ACOT7: variants seen among roughly 807,000 people sequenced by gnomAD.
ACOT7 encodes the protein cytosolic acyl coenzyme A thioester hydrolase.
Under a neutral mutation model 40.2 loss-of-function variants are expected in ACOT7, and 12 were observed. That is an observed-to-expected ratio of 0.30 (90% CI 0.19 to 0.48). The LOEUF is 0.48. ACOT7 is among the 20% of genes least tolerant of loss of function. ACOT7 has a pLI of 0.99. For missense variants in ACOT7, 395 were observed against 530.8 expected (o/e 0.74, Z 2.51); for synonymous variants, 228 against 219.5 (o/e 1.04, Z -0.34).
At chr1:6,339,996 C>G (rs903134179) in intron 2 of ACOT7, among the ~76,000 whole-genome samples, 1 of 150,160 alleles carries the variant, frequency 6.7e-6, no homozygotes, top group Non-Finnish European at 1.5e-5. Flanking sequence ...GATGGAGTCT[C>G]GCTCTGTCAC....
Position 6,324,045 on chromosome 1 carries a change from G to A in ACOT7, c.625+3254C>T, listed in dbSNP as rs112415853. ...AAAGACCCCAGTGCCAAGCACATACGCACACTCTTCTCCCAGAGCTGCTGT... is the reference window on the plus strand; with the variant it reads ...AAAGACCCCAGTGCCAAGCACATACACACACTCTTCTCCCAGAGCTGCTGT... On this transcript the variant is annotated intron_variant, in intron 5 of 8. Transcript: ENST00000361521. 4.8e-3 allele frequency among the ~76,000 whole-genome samples: 730 copies of A among 151,978 alleles called. 4 individuals carry two copies. Among genetic ancestry groups the A allele is most frequent in the African/African-American group, 0.017 (695 of 41,476 alleles).
In ACOT7 at chr1:6,327,399, C is replaced by A. The variant is rs371107823; in HGVS notation, c.525G>T (p.Glu175Asp). The A allele has an allele frequency of 3.0e-5, 48 of 1,614,108 alleles. No homozygotes were observed. The highest frequency in any genetic ancestry group is 1.6e-4 in the Middle Eastern group (1 of 6,084). ...ACCGCTTCCGGCCCTCCTCCTCCTG[C>A]TCCTGCCGGGAATACTGCGAGAAAC... ...EVPPVVYSRQ[E>D]QEEEGRKRYE... is the part of the protein sequence containing the mutation. Residue 175 changes from glutamate (E) to aspartate (D), a missense_variant, in exon 5 of 9, where the codon GAG (glutamate) becomes GAT (aspartate). Physicochemically the swap from Glu to Asp is conservative, Grantham distance 45 (BLOSUM62 2). This residue lies in a region of ACOT7 where 309 missense variants were observed against 470.3 expected (regional missense o/e 0.66). Transcript: ENST00000361521.
intron 2 of ACOT7, among the ~76,000 whole-genome samples, chr1:6,342,135 T>G (rs1641293764): frequency 6.6e-6 from 1 of 152,160 alleles, no homozygotes; most frequent in Admixed American, 6.5e-5. Flanking sequence ...GGGACTTGGG[T>G]CATTCCAAGA....
rs189940988 is a variant in ACOT7 at position 6,340,387 on chromosome 1, T to C, written c.262-798A>G. 3.7e-3 allele frequency among the ~76,000 whole-genome samples: 560 copies of C among 152,320 alleles called. 4 individuals are homozygous for C. The highest frequency in any genetic ancestry group is 0.013 in the African/African-American group (541 of 41,578). The stretch of plus-strand genomic sequence containing the variant: ...TGGGATCACCAGCTGCTTCTTCCTT[T>C]CTTCTGATTTTCTCACAATAGGCAT... On this transcript the variant is annotated intron_variant, in intron 2 of 8. Transcript: ENST00000361521.
chr1:6,365,189 G>A (rs957625467), intron 1 of ACOT7, among the ~76,000 whole-genome samples: 1 of 152,188 alleles, frequency 6.6e-6, no homozygotes, highest in Non-Finnish European at 1.5e-5. Context: ...CAGATCAGAG[G>A]TTGCCTGGGG....
chr1:6,333,619 T>C lies in ACOT7; in HGVS notation c.419-51A>G, dbSNP rs943631734. The C allele has an allele frequency of 3.1e-6, 5 of 1,592,172 alleles. No individual in the cohort carries two copies. The African/African-American group carries it at 4.0e-5, about 13-fold the overall frequency. ...TGACGCCCGGGAGACGGGGTGGGAA[T>C]GTGAGCGTCCAGGCACGTGGCAGGT... On this transcript the variant is annotated intron_variant, in intron 3 of 8. Transcript: ENST00000361521.
rs982040541 is a variant in ACOT7, at chr1:6,330,577, T to G, written c.510+2900A>C. Among the ~76,000 whole-genome samples the G allele has an allele frequency of 2.0e-5, 3 of 152,256 alleles. No individual in the cohort carries two copies. The highest frequency in any genetic ancestry group is 3.9e-4 in the East Asian group (2 of 5,176). The stretch of plus-strand genomic sequence containing the variant: ...TATTTATGTCTCATCAAACCCACTC[T>G]ACAAAGGAAATGAAAAAGCAACTGG... On this transcript the variant is annotated intron_variant, in intron 4 of 8. Transcript: ENST00000361521. The surrounding 1 kb of genome is among the most constrained non-coding windows in gnomAD (Gnocchi z 4.6).
chr1:6,365,860 G>A (rs1259910775), intron 1 of ACOT7, among the ~76,000 whole-genome samples: 1 of 151,684 alleles, frequency 6.6e-6, no homozygotes, highest in Non-Finnish European at 1.5e-5. Flanking sequence ...GTCTTGCCTC[G>A]ATGTTGATGG....
intron 6 of ACOT7, among the ~76,000 whole-genome samples, chr1:6,302,530 C>A (rs1001648892): frequency 3.3e-5 from 5 of 152,070 alleles, no homozygotes; most frequent in African/African-American, 1.2e-4. Flanking sequence ...CTCCACCCAC[C>A]CCAGTCTGTG....
At chr1:6,321,746 C>T (rs1640650770) in intron 5 of ACOT7, among the ~76,000 whole-genome samples, 1 of 152,248 alleles carries the variant, frequency 6.6e-6, no homozygotes, top group South Asian at 2.1e-4. Flanking sequence ...TCGTGATCCA[C>T]CCACCTCAGC....
intron 7 of ACOT7, chr1:6,283,025 T>C (rs1030732974): frequency 1.2e-5 from 5 of 415,738 alleles, no homozygotes; most frequent in Non-Finnish European, 2.5e-5. Flanking sequence ...GAACAAGCCC[T>C]TTCCATGAGC....
chr1:6,323,232 T>C (rs759199155), intron 5 of ACOT7, among the ~76,000 whole-genome samples: 1 of 152,216 alleles, frequency 6.6e-6, no homozygotes, highest in Non-Finnish European at 1.5e-5. Flanking sequence ...CTTTTTCGGC[T>C]ACTGAGAAAC....
intron 4 of ACOT7, among the ~76,000 whole-genome samples, chr1:6,328,921 C>A (rs1640881000): frequency 6.6e-6 from 1 of 152,202 alleles, no homozygotes; most frequent in Admixed American, 6.5e-5. Context: ...CCATCCCCCA[C>A]GACCTTCTCC....
chr1:6,306,240 G>T lies in ACOT7; in HGVS notation c.713-11260C>A. On this transcript the variant is annotated intron_variant, in intron 6 of 8. Transcript: ENST00000361521. The surrounding 1 kb of genome is among the most constrained non-coding windows in gnomAD (Gnocchi z 4.3). ...AGGGGGAGGGGGAGAGGGAGAGGACGTTCTTACGGTTCATGGCAAGACCTC... is the reference window on the plus strand; with the variant it reads ...AGGGGGAGGGGGAGAGGGAGAGGACTTTCTTACGGTTCATGGCAAGACCTC... 1 of 984,198 alleles carries T rather than the reference G, an allele frequency of 1.0e-6. No individual in the cohort carries two copies. Among genetic ancestry groups the T allele is most frequent in the Non-Finnish European group, 1.2e-6 (1 of 829,390 alleles). The allele number at this position is 984,198 out of a possible 1,614,324, so 61.0% of individuals were successfully genotyped here. A position where few individuals can be genotyped will look rare whatever the true frequency, so the allele number is the denominator to read the frequency against.
chr1:6,313,576 C>G (rs1640401308), intron 6 of ACOT7, among the ~76,000 whole-genome samples: 1 of 152,220 alleles, frequency 6.6e-6, no homozygotes, highest in Admixed American at 6.5e-5. Context: ...ACCAGCGGCA[C>G]TCACCCACCC....
intron 1 of ACOT7, among the ~76,000 whole-genome samples, chr1:6,377,706 T>C (rs1402176823): frequency 1.3e-5 from 2 of 152,174 alleles, no homozygotes; most frequent in Non-Finnish European, 2.9e-5. Flanking sequence ...GAGTTCTAAA[T>C]ACAAGCGACA....
intron 1 of ACOT7, among the ~76,000 whole-genome samples, chr1:6,365,071 G>A (rs143137490): frequency 6.6e-6 from 1 of 152,242 alleles, no homozygotes. Context: ...CAACCATGTG[G>A]ATGAATCTCC....
chr1:6,285,567 C>T (rs986765068), intron 7 of ACOT7, among the ~76,000 whole-genome samples: 1 of 152,256 alleles, frequency 6.6e-6, no homozygotes, highest in Non-Finnish European at 1.5e-5. Flanking sequence ...AGAGCCTGGA[C>T]CATCCAGGCT....
At chr1:6,385,468 G>A in intron 1 of ACOT7, 1 of 1,597,436 alleles carries the variant, frequency 6.3e-7, no homozygotes, top group Non-Finnish European at 8.5e-7. Flanking sequence ...GACACCATGG[G>A]CACAAAATAT....
Sources: gnomAD v4.1 joint callset for allele counts (sites outside exome capture counted in the v4.1 genomes callset) on GRCh38, gnomAD v4.1.1 for gene constraint, gnomAD v4.1.1 regional missense constraint, Gnocchi (gnomAD v3.1) non-coding constraint, MANE v1.5 for transcripts, NCBI Gene and HGNC (gene_info 2026-07-23, HGNC 2026-07-21) for gene names.